USP8: variants seen among roughly 807,000 people sequenced by gnomAD.
USP8 encodes the protein ubiquitin specific peptidase 8, also known as ubiquitin carboxyl-terminal hydrolase 8.
In USP8, 27 loss-of-function variants were observed where a neutral mutation model predicts 130.0. The observed-to-expected ratio is 0.21, with a 90% CI of 0.15 to 0.29. The LOEUF is 0.29. USP8 is among the 10% of genes least tolerant of loss of function. USP8 has a pLI of 1.00. For missense variants in USP8, 1,029 were observed against 1,312.2 expected (o/e 0.78, Z 3.33); for synonymous variants, 392 against 444.1 (o/e 0.88, Z 1.48).
chr15:50,459,412 C>G (rs1056602932), intron 5 of USP8, among the ~76,000 whole-genome samples: 1 of 151,990 alleles, frequency 6.6e-6, no homozygotes, highest in African/African-American at 2.4e-5. Flanking sequence ...AGCGAAACCC[C>G]GACTCTACTA....
chr15:50,442,734 G>A (rs568528113), intron 3 of USP8, among the ~76,000 whole-genome samples: 6 of 152,260 alleles, frequency 3.9e-5, no homozygotes, highest in African/African-American at 7.2e-5. Context: ...CCAGGTGGGC[G>A]ATAGACTCCA....
chr15:50,489,751 C>G, intron 12 of USP8, 50 bp from the exon 13 acceptor site: 1 of 1,246,752 alleles, frequency 8.0e-7, no homozygotes, highest in Non-Finnish European at 1.1e-6. Flanking sequence ...ATTGAAAAAT[C>G]AGATTTAAAA....
At chr15:50,441,909 G>A (rs556516450) in intron 3 of USP8, among the ~76,000 whole-genome samples, 31 of 149,394 alleles carry the variant, frequency 2.1e-4, no homozygotes, top group African/African-American at 7.1e-4. Flanking sequence ...ATATATGACT[G>A]ACATTGTACC....
rs58329541 is a variant in USP8, at chr15:50,506,957, C to CAAAAAAAAAAAAAA, written c.*7889_*7902dup. ...TGGGCGACAGAGCGAGACTTCATCT[C>CAAAAAAAAAAAAAA]AAAAAAAAAAAAAAAAAAAAAAAAA... On this transcript the variant is annotated 3_prime_UTR_variant, in exon 20 of 20. Coordinates refer to ENST00000307179, the MANE Select transcript of USP8 (RefSeq NM_005154.5). 3 of 46,224 alleles carry CAAAAAAAAAAAAAA rather than the reference C, an allele frequency of 6.5e-5. No individual in the cohort carries two copies. The highest frequency in any genetic ancestry group is 1.9e-4 in the African/African-American group (2 of 10,548). 2.9% of individuals were successfully genotyped at this position (46,224 alleles called of 1,614,324 possible).
At chr15:50,495,157 A>AT (rs2052327637) in intron 16 of USP8, among the ~76,000 whole-genome samples, 1 of 151,710 alleles carries the variant, frequency 6.6e-6, no homozygotes, top group South Asian at 2.1e-4. Flanking sequence ...TGTCTCACAT[A>AT]TTTTGGGGTC....
Position 50,481,699 on chromosome 15 carries a change from A to T in USP8, c.1437A>T (p.Glu479Asp). 6.2e-7 allele frequency: 1 copy of T among 1,612,360 alleles called. No homozygotes were observed. The highest frequency in any genetic ancestry group is 8.5e-7 in the Non-Finnish European group (1 of 1,179,744). The change falls in exon 11 of 20, where the codon GAA becomes GAT. Residue 479 changes from glutamate to aspartate, a missense_variant. Glu to Asp is a conservative substitution (Grantham distance 45). Around this residue, in one of 4 missense-constraint regions of USP8, gnomAD observed 486 missense variants for 522.0 expected, o/e 0.93. Coordinates refer to ENST00000307179, the MANE Select transcript of USP8 (RefSeq NM_005154.5). ...TALLMEKNKQ[E>D]KELRERQQEE... ...TTCTAATGGAAAAAAACAAACAAGA[A>T]AAAGAACTTCGGGAAAGGCAGCAAG...
intron 12 of USP8, among the ~76,000 whole-genome samples, chr15:50,487,769 C>A (rs540938349): frequency 2.6e-4 from 39 of 152,198 alleles, no homozygotes; most frequent in Non-Finnish European, 5.4e-4. Context: ...TAAAGTAATT[C>A]TCACGCATTA....
chr15:50,478,747 A>G (rs2051658498), intron 10 of USP8, among the ~76,000 whole-genome samples: 1 of 152,172 alleles, frequency 6.6e-6, no homozygotes, highest in African/African-American at 2.4e-5. Context: ...TATTTTGAAG[A>G]TCTTCTATAT....
chr15:50,439,828 A>ATAATAAT (rs943774794), intron 2 of USP8, among the ~76,000 whole-genome samples: 1 of 102,464 alleles, frequency 9.8e-6, no homozygotes, highest in Non-Finnish European at 1.8e-5. Flanking sequence ...AATAATAATA[A>ATAATAAT]TTTTTTTTTT....
At chr15:50,488,452 C>G (rs563118979) in intron 12 of USP8, among the ~76,000 whole-genome samples, 1 of 151,952 alleles carries the variant, frequency 6.6e-6, no homozygotes, top group Admixed American at 6.6e-5. Flanking sequence ...CTCACCTGAC[C>G]ACCTGGGCTC....
At chr15:50,444,920 G>A (rs1260959613) in intron 3 of USP8, among the ~76,000 whole-genome samples, 2 of 151,964 alleles carry the variant, frequency 1.3e-5, no homozygotes, top group Non-Finnish European at 2.9e-5. Flanking sequence ...ACCACACCTG[G>A]CTAATTTTTT....
intron 7 of USP8, chr15:50,466,971 G>A: frequency 2.1e-6 from 1 of 475,890 alleles, no homozygotes; most frequent in East Asian, 3.8e-5. Context: ...TAAGACATGG[G>A]ATCATTTCCA....
At chr15:50,457,887 A>G (rs535807697) in intron 4 of USP8, among the ~76,000 whole-genome samples, 289 of 151,828 alleles carry the variant, frequency 1.9e-3, no homozygotes, top group Non-Finnish European at 3.3e-3. Context: ...GAAAAGAAAA[A>G]AAAAAGAAAA....
chr15:50,499,732 A>G lies in USP8; in HGVS notation c.*644A>G, dbSNP rs530339335. ...TGGAAACTTTAATTTTTTTAAAACG[A>G]GAATTTCATTTACAGCTACATTAAA... On this transcript the variant is annotated 3_prime_UTR_variant, in exon 20 of 20. Coordinates refer to ENST00000307179, the MANE Select transcript of USP8 (RefSeq NM_005154.5). 4 of 152,300 alleles carry G rather than the reference A, an allele frequency of 2.6e-5. No individual in the cohort carries two copies. In the South Asian group the frequency reaches 8.3e-4, roughly 32 times the overall value. 9.4% of individuals were successfully genotyped at this position (152,300 alleles called of 1,614,324 possible). A position where few individuals can be genotyped will look rare whatever the true frequency, so the allele number is the denominator to read the frequency against.
chr15:50,444,543 T>G (rs1350527175), intron 3 of USP8: 4 of 152,152 alleles, frequency 2.6e-5, no homozygotes, highest in Non-Finnish European at 5.9e-5. Context: ...TGAGTACATT[T>G]AAACAGATGA....
Position 50,449,387 on chromosome 15 carries a change from C to T in USP8, c.250-13C>T. 4 of 1,542,888 alleles carry T rather than the reference C, an allele frequency of 2.6e-6. No homozygotes were observed. The highest frequency in any genetic ancestry group is 3.5e-6 in the Non-Finnish European group (4 of 1,140,368). ...AGAACTAACAATATGGGATGGTTTTCCTATAATTTTAGGATTATTTCCATT... is the reference window on the plus strand; with the variant it reads ...AGAACTAACAATATGGGATGGTTTTTCTATAATTTTAGGATTATTTCCATT... On this transcript the variant is annotated splice_polypyrimidine_tract_variant and intron_variant, in intron 3 of 19. Transcript: ENST00000307179.
intron 11 of USP8, 72 bp downstream of exon 11, chr15:50,482,137 C>A: frequency 7.4e-7 from 1 of 1,359,138 alleles, no homozygotes; most frequent in Non-Finnish European, 9.7e-7. Context: ...ACACCAGTGG[C>A]ATTCCATAAA....
At chr15:50,436,760 T>C (rs922983522) in intron 1 of USP8, among the ~76,000 whole-genome samples, 2 of 152,074 alleles carry the variant, frequency 1.3e-5, no homozygotes, top group Non-Finnish European at 2.9e-5. Context: ...ACCTCCACCC[T>C]CTGGGTTCAA....
At chr15:50,427,126 A>T (rs977693721) in intron 1 of USP8, among the ~76,000 whole-genome samples, 13 of 151,930 alleles carry the variant, frequency 8.6e-5, no homozygotes, top group Non-Finnish European at 1.5e-4. Context: ...TTTAGTAGAG[A>T]TGGGGTTTCA....
Sources: gnomAD v4.1 joint callset for allele counts (sites outside exome capture counted in the v4.1 genomes callset) on GRCh38, gnomAD v4.1.1 for gene constraint, gnomAD v4.1.1 regional missense constraint, MANE v1.5 for transcripts, NCBI Gene and HGNC (gene_info 2026-07-23, HGNC 2026-07-21) for gene names.